SUMF1: variants seen among roughly 807,000 people sequenced by gnomAD.
SUMF1 encodes formylglycine-generating enzyme.
In SUMF1, 48 loss-of-function variants were observed where a neutral mutation model predicts 47.6. That is an observed-to-expected ratio of 1.01 (90% CI 0.80 to 1.28). SUMF1 has a LOEUF of 1.28. Among genes scored for constraint, SUMF1 ranks in the 50% most tolerant of loss-of-function variants. The probability of loss-of-function intolerance (pLI) is 0.00; values close to 1 mark genes in which losing one functional copy is unlikely to be tolerated. For missense variants in SUMF1, 571 were observed against 485.4 expected, an observed-to-expected ratio of 1.18 and a Z score of -1.66; for synonymous variants, 230 against 192.1, an observed-to-expected ratio of 1.20 and a Z score of -1.63.
intron 1 of SUMF1, among the ~76,000 whole-genome samples, chr3:4,458,014 T>C (rs904756046): frequency 8.5e-5 from 13 of 152,186 alleles, no homozygotes; most frequent in Non-Finnish European, 2.9e-5. Flanking sequence ...ATTCAAAATA[T>C]ATAAGGAATT....
intron 8 of SUMF1, among the ~76,000 whole-genome samples, chr3:4,097,968 C>T (rs746993841): frequency 6.6e-6 from 1 of 152,130 alleles, no homozygotes; most frequent in East Asian, 1.9e-4. Flanking sequence ...GATCAACACC[C>T]TGACTACTCT....
intron 8 of SUMF1, among the ~76,000 whole-genome samples, chr3:4,093,055 G>A (rs1294266586): frequency 1.3e-5 from 2 of 152,070 alleles, no homozygotes; most frequent in Non-Finnish European, 2.9e-5. Context: ...GGGTAGACTG[G>A]CTTCTGATCC....
chr3:4,362,286 ACTGGG>A, intron 8 of SUMF1, 32 bp from the exon 9 acceptor site: 1 of 1,583,192 alleles, frequency 6.3e-7, no homozygotes, highest in Non-Finnish European at 8.7e-7. Flanking sequence ...GGTAAGTGCT[ACTGGG>A]ACTCTCAGCT....
chr3:4,345,302 C>T (rs1234423045), intron 8 of SUMF1, among the ~76,000 whole-genome samples: 1 of 152,148 alleles, frequency 6.6e-6, no homozygotes, highest in Non-Finnish European at 1.5e-5. Context: ...AGGTTACCCA[C>T]AAAGGGAAGC....
chr3:4,313,946 C>A, intron 8 of SUMF1: 3 of 1,040,492 alleles, frequency 2.9e-6, no homozygotes, highest in Non-Finnish European at 4.1e-6. Flanking sequence ...ACATGACTAC[C>A]CAGAATACTC....
intron 1 of SUMF1, among the ~76,000 whole-genome samples, chr3:4,459,414 G>C (rs2079752221): frequency 6.6e-6 from 1 of 151,750 alleles, no homozygotes; most frequent in Non-Finnish European, 1.5e-5. Context: ...TGGAAAAAAA[G>C]AGAGTCACTT....
At chr3:4,226,649 C>A (rs907590442) in intron 8 of SUMF1, among the ~76,000 whole-genome samples, 3 of 151,956 alleles carry the variant, frequency 2.0e-5, no homozygotes, top group African/African-American at 7.3e-5. Context: ...ATATTCATTT[C>A]CATATTTTAT....
intron 8 of SUMF1, among the ~76,000 whole-genome samples, chr3:4,367,984 A>G (rs1262661622): frequency 6.6e-6 from 1 of 152,068 alleles, no homozygotes; most frequent in East Asian, 1.9e-4. Context: ...AAATTGACAA[A>G]TGGGATCTAA....
At chr3:4,326,522 G>GGTT (rs1698948500) in intron 8 of SUMF1, among the ~76,000 whole-genome samples, 1 of 128,698 alleles carries the variant, frequency 7.8e-6, no homozygotes, top group Non-Finnish European at 1.6e-5. Flanking sequence ...TTTTCCAAGG[G>GGTT]TTTTTTTTTT....
rs141450160 is a variant in SUMF1 at position 4,204,583 on chromosome 3, C to T, written c.1015-135838G>A. Among the ~76,000 whole-genome samples the T allele has an allele frequency of 2.0e-3, 307 of 152,228 alleles. 2 individuals carry two copies. Among genetic ancestry groups the T allele is most frequent in the African/African-American group, 7.2e-3 (301 of 41,550 alleles). Reference sequence around the variant, plus strand: ...ATAAATTTTATGGTCCAATCTTTCTCTCTACCTCCTCTTTAAGGCCAGTAA... The same window carrying T: ...ATAAATTTTATGGTCCAATCTTTCTTTCTACCTCCTCTTTAAGGCCAGTAA... On this transcript the variant is annotated intron_variant and NMD_transcript_variant, in intron 8 of 12. Coordinates refer to the SUMF1 transcript ENST00000448413.
chr3:4,302,677 GA>G (rs1292606738), intron 8 of SUMF1, among the ~76,000 whole-genome samples: 1 of 152,040 alleles, frequency 6.6e-6, no homozygotes, highest in Non-Finnish European at 1.5e-5. Context: ...TGGAGGATTG[GA>G]ATTTTATTTT....
chr3:4,436,491 G>T (rs981974224), intron 3 of SUMF1, among the ~76,000 whole-genome samples: 1 of 151,964 alleles, frequency 6.6e-6, no homozygotes, highest in African/African-American at 2.4e-5. Context: ...AAGATGGAGT[G>T]AGGAGGTCTA....
At chr3:4,148,661 G>A (rs775893748) in intron 8 of SUMF1, among the ~76,000 whole-genome samples, 1 of 152,156 alleles carries the variant, frequency 6.6e-6, no homozygotes, top group Non-Finnish European at 1.5e-5. Context: ...AGCAGCCACA[G>A]TATACAAACA....
At chr3:4,226,260 G>GTTTTT in intron 8 of SUMF1, among the ~76,000 whole-genome samples, 1 of 110,718 alleles carries the variant, frequency 9.0e-6, no homozygotes, top group Non-Finnish European at 1.9e-5. Context: ...TTTTTTTTTT[G>GTTTTT]TTTCTTTTTT....
chr3:4,227,404 GA>G (rs985889686), intron 8 of SUMF1, among the ~76,000 whole-genome samples: 31 of 152,130 alleles, frequency 2.0e-4, no homozygotes, highest in African/African-American at 7.2e-4. Context: ...GTGCTATGAA[GA>G]AAAATAACTG....
chr3:4,387,349 G>C (rs1700708315), intron 7 of SUMF1, among the ~76,000 whole-genome samples: 1 of 151,944 alleles, frequency 6.6e-6, no homozygotes, highest in South Asian at 2.1e-4. Flanking sequence ...AGGAAGTGTT[G>C]TTTCTCGCCT....
intron 8 of SUMF1, among the ~76,000 whole-genome samples, chr3:4,103,413 G>T (rs1209621811): frequency 6.6e-6 from 1 of 152,078 alleles, no homozygotes; most frequent in Non-Finnish European, 1.5e-5. Context: ...ATGAAGGTCA[G>T]CATGGCTGCA....
Position 4,103,253 on chromosome 3 carries a change from GA to G in SUMF1, c.1015-34509del, listed in dbSNP as rs377541130. The stretch of plus-strand genomic sequence containing the variant: ...TTTTAAGCATAAAAAAAAAAAGAAA[GA>G]AAAAAGATTATGTTTCTCCTCAAAA... On this transcript the variant is annotated intron_variant and NMD_transcript_variant, in intron 8 of 12. Transcript: ENST00000448413. 2.8e-4 allele frequency among the ~76,000 whole-genome samples: 43 copies of G among 151,684 alleles called. 1 individual carries two copies. The highest frequency in any genetic ancestry group is 9.7e-4 in the African/African-American group (40 of 41,316).
chr3:4,347,875 C>T (rs573570162), intron 8 of SUMF1, among the ~76,000 whole-genome samples: 1 of 152,136 alleles, frequency 6.6e-6, no homozygotes, highest in Non-Finnish European at 1.5e-5. Flanking sequence ...CACAAGCATT[C>T]GTTTACACCA....
Sources: gnomAD v4.1 joint callset for allele counts (sites outside exome capture counted in the v4.1 genomes callset) on GRCh38, gnomAD v4.1.1 for gene constraint, MANE v1.5 for transcripts, NCBI Gene and HGNC (gene_info 2026-07-23, HGNC 2026-07-21) for gene names.